DNAH14: variants seen among roughly 807,000 people sequenced by gnomAD.
The protein encoded by DNAH14 is dynein axonemal heavy chain 14, also known as axonemal beta dynein heavy chain 14.
A neutral mutation model predicts 520.9 loss-of-function variants in DNAH14; 478 were observed. The observed-to-expected ratio is 0.92, with a 90% CI of 0.85 to 0.99. The LOEUF (loss-of-function observed/expected upper bound fraction) is 0.99. Among genes scored for constraint, DNAH14 ranks in the 50% least tolerant of loss-of-function variants. The pLI, the probability that DNAH14 is intolerant of heterozygous loss-of-function variation, is 0.00. For missense variants in DNAH14, 4,831 were observed against 5,234.5 expected, an observed-to-expected ratio of 0.92 and a Z score of 2.38; for synonymous variants, 1,581 against 1,757.2, an observed-to-expected ratio of 0.90 and a Z score of 2.51.
intron 23 of DNAH14, 93 bp from the exon 24 acceptor site, chr1:225,117,591 G>T: frequency 1.4e-6 from 1 of 732,808 alleles, no homozygotes; most frequent in East Asian, 2.7e-5. Flanking sequence ...TAATATTGTG[G>T]CTTTTGTTTG....
At chr1:225,209,302 T>A (rs529499271) in intron 41 of DNAH14, among the ~76,000 whole-genome samples, 26 of 152,318 alleles carry the variant, frequency 1.7e-4, no homozygotes, top group African/African-American at 6.0e-4. Context: ...TGACCTAGAT[T>A]TGGCTGTTAG....
intron 21 of DNAH14, among the ~76,000 whole-genome samples, chr1:225,095,922 T>A (rs1162202189): frequency 4.6e-5 from 7 of 152,176 alleles, no homozygotes; most frequent in African/African-American, 1.7e-4. Flanking sequence ...GTGGTGATGA[T>A]TTCACAGGTA....
chr1:225,192,557 T>G (rs2085584705), intron 37 of DNAH14, 139 bp from the exon 38 acceptor site: 2 of 570,250 alleles, frequency 3.5e-6, no homozygotes, highest in African/African-American at 1.9e-5. Flanking sequence ...TACTGTTCCT[T>G]GCAACTTGCT....
At chr1:225,154,459 T>C (rs1559121927) in intron 34 of DNAH14, among the ~76,000 whole-genome samples, 1 of 152,082 alleles carries the variant, frequency 6.6e-6, no homozygotes, top group Non-Finnish European at 1.5e-5. Flanking sequence ...CTTTATGTAT[T>C]AAGACATATA....
intron 36 of DNAH14, among the ~76,000 whole-genome samples, chr1:225,178,923 G>T (rs193217915): frequency 6.6e-6 from 1 of 152,054 alleles, no homozygotes; most frequent in Non-Finnish European, 1.5e-5. Context: ...TAAGTCTCAC[G>T]AGATCTGATG....
At chr1:224,952,918 C>T in intron 2 of DNAH14, 139 bp downstream of exon 2, 1 of 569,260 alleles carries the variant, frequency 1.8e-6, no homozygotes, top group Non-Finnish European at 2.7e-6. Flanking sequence ...GTTTAGAAAA[C>T]CTTAGTTTCT....
chr1:225,298,003 T>C (rs1401892780), intron 55 of DNAH14, among the ~76,000 whole-genome samples: 1 of 151,780 alleles, frequency 6.6e-6, no homozygotes, highest in African/African-American at 2.4e-5. Flanking sequence ...GCACAATATT[T>C]CTTGGCCAGC....
rs185863175 is a variant in DNAH14, at chr1:224,984,166, A to G, written c.830+10013A>G. The stretch of plus-strand genomic sequence containing the variant: ...TATATCACAAGGCCATAGTCTCCAA[A>G]ACAGCATGGTACTGGTATAAAAATA... On this transcript the variant is annotated intron_variant, in intron 8 of 85. Coordinates refer to ENST00000682510, the MANE Select transcript of DNAH14 (RefSeq NM_001367479.1). Among the ~76,000 whole-genome samples the G allele has an allele frequency of 2.2e-3, 329 of 152,368 alleles. 2 individuals carry two copies. The highest frequency in any genetic ancestry group is 7.6e-3 in the African/African-American group (317 of 41,590).
intron 43 of DNAH14, among the ~76,000 whole-genome samples, chr1:225,249,852 G>A (rs529661976): frequency 1.3e-5 from 2 of 152,260 alleles, no homozygotes; most frequent in African/African-American, 2.4e-5. Context: ...GGTCTGTTGG[G>A]TCTGGTTTAT....
chr1:225,374,145 C>CTATATATATA (rs71170080), intron 77 of DNAH14, among the ~76,000 whole-genome samples: 750 of 32,846 alleles, frequency 0.023, 49 homozygotes, highest in Admixed American at 0.034. Flanking sequence ...TTGTGTCTTA[C>CTATATATATA]TATATATATA....
chr1:225,175,062 T>G (rs1354714596), intron 36 of DNAH14, among the ~76,000 whole-genome samples: 1 of 152,218 alleles, frequency 6.6e-6, no homozygotes, highest in African/African-American at 2.4e-5. Flanking sequence ...TAATGTCTTG[T>G]TAAATTCAGT....
chr1:225,140,024 G>C (rs892958854), intron 27 of DNAH14, among the ~76,000 whole-genome samples: 1 of 152,130 alleles, frequency 6.6e-6, no homozygotes, highest in Non-Finnish European at 1.5e-5. Context: ...CTCCTATCTC[G>C]ATCTGGAAAA....
intron 79 of DNAH14, among the ~76,000 whole-genome samples, chr1:225,379,706 G>A (rs1026825335): frequency 6.6e-6 from 1 of 152,026 alleles, no homozygotes; most frequent in African/African-American, 2.4e-5. Context: ...TGTATTTTTA[G>A]TAGAGACAGG....
intron 34 of DNAH14, among the ~76,000 whole-genome samples, chr1:225,154,379 A>G (rs951241864): frequency 3.3e-5 from 5 of 152,100 alleles, no homozygotes; most frequent in African/African-American, 9.6e-5. Context: ...GCTGGTCCTA[A>G]AGTTCACATG....
At position 225,159,476 on chromosome 1, in the gene DNAH14, T is replaced by C. The variant is rs1573588141; in HGVS notation, c.5436T>C (p.Leu1812=). ...PEVTVLKVNQ[L]ALEKVIYTAT... is the part of the protein sequence containing the mutation. The stretch of plus-strand genomic sequence containing the variant: ...TGACAGTTTTGAAAGTAAATCAACT[T>C]GCCTTGGAGGTAAAAAGACCTTTGA... The change falls in exon 35 of 86, where the codon CTT becomes CTC. Residue 1812 remains leucine (L), a synonymous_variant. Transcript: ENST00000682510. The C allele has an allele frequency of 6.5e-7, 1 of 1,528,310 alleles. No individual in the cohort carries two copies. Among genetic ancestry groups the C allele is most frequent in the East Asian group, 2.5e-5 (1 of 39,802 alleles). The allele number at this position is 1,528,310 out of a possible 1,614,324, so 94.7% of individuals were successfully genotyped here. A position where few individuals can be genotyped will look rare whatever the true frequency, so the allele number is the denominator to read the frequency against.
At chr1:225,024,086 A>G in intron 11 of DNAH14, 1 of 1,150,622 alleles carries the variant, frequency 8.7e-7, no homozygotes, top group Middle Eastern at 3.5e-4. Flanking sequence ...TTTCACATAA[A>G]TGGTAAATAA....
Position 225,338,135 on chromosome 1 carries a change from T to C in DNAH14, c.10386T>C (p.Tyr3462=), listed in dbSNP as rs1193648338. Residue 3462 remains tyrosine, a synonymous_variant, in exon 68 of 86, where the codon TAT becomes TAC. Coordinates refer to ENST00000682510, the MANE Select transcript of DNAH14 (RefSeq NM_001367479.1). The part of the protein sequence containing the change: ...KKDIYQKKGH[Y]FIRVGDAEFE... Reference sequence around the variant, plus strand: ...ATATCTATCAGAAAAAAGGACACTATTTCATAAGGGTTGGTGATGCTGAGT... The same window carrying C: ...ATATCTATCAGAAAAAAGGACACTACTTCATAAGGGTTGGTGATGCTGAGT... The C allele has an allele frequency of 6.4e-7, 1 of 1,551,918 alleles. No individual in the cohort carries two copies. The highest frequency in any genetic ancestry group is 1.2e-5 in the South Asian group (1 of 84,004).
chr1:225,237,625 C>T (rs1184012738), intron 42 of DNAH14, among the ~76,000 whole-genome samples: 1 of 152,146 alleles, frequency 6.6e-6, no homozygotes, highest in African/African-American at 2.4e-5. Context: ...CTGGGTTTCT[C>T]TGCATTTCCT....
chr1:225,123,957 T>C (rs1483458901), intron 27 of DNAH14, among the ~76,000 whole-genome samples: 1 of 151,842 alleles, frequency 6.6e-6, no homozygotes, highest in Non-Finnish European at 1.5e-5. Context: ...TTTGTAATGT[T>C]GGCCAGGCTG....
Sources: gnomAD v4.1 joint callset for allele counts (sites outside exome capture counted in the v4.1 genomes callset) on GRCh38, gnomAD v4.1.1 for gene constraint, MANE v1.5 for transcripts, NCBI Gene and HGNC (gene_info 2026-07-23, HGNC 2026-07-21) for gene names.